POMT2: variants seen among roughly 807,000 people sequenced by gnomAD.
POMT2 encodes protein O-mannosyl-transferase 2.
A neutral mutation model predicts 100.0 loss-of-function variants in POMT2; 75 were observed. The ratio of observed to expected loss-of-function variants is 0.75; its 90% CI spans 0.62 to 0.91. The LOEUF (loss-of-function observed/expected upper bound fraction) is 0.91, where lower values mean the gene tolerates loss of function less well. Ranked by LOEUF, POMT2 falls within the 40% of genes least tolerant of loss-of-function variation. POMT2 has a pLI of 0.00. For missense variants in POMT2, 940 were observed against 955.1 expected, an observed-to-expected ratio of 0.98 and a Z score of 0.21; for synonymous variants, 378 against 374.1, an observed-to-expected ratio of 1.01 and a Z score of -0.12.
intron 2 of POMT2, among the ~76,000 whole-genome samples, chr14:77,308,411 A>T (rs926747578): frequency 7.0e-6 from 1 of 142,308 alleles, no homozygotes; most frequent in African/African-American, 2.6e-5. Context: ...GCTAGAGTGC[A>T]ATGGTGCGAT....
chr14:77,315,885 G>A (rs544856338), intron 1 of POMT2, among the ~76,000 whole-genome samples: 2 of 152,266 alleles, frequency 1.3e-5, no homozygotes, highest in Admixed American at 6.5e-5. Context: ...TGATAGGGGC[G>A]CCTGTAATCC....
At position 77,276,788 on chromosome 14, in the gene POMT2, T is replaced by A. The variant is rs1271044477; in HGVS notation, c.*588A>T. 1 of 153,360 alleles carries A rather than the reference T, an allele frequency of 6.5e-6. No individual in the cohort carries two copies. The highest frequency in any genetic ancestry group is 1.9e-4 in the East Asian group (1 of 5,202). The allele number at this position is 153,360 out of a possible 1,614,324, so 9.5% of individuals were successfully genotyped here. ...TCCAGCTCGGGGCGGCGCGCCTTCC[T>A]CCACGCTGGATTCATTTGTTTGTGG... is the stretch of plus-strand genomic sequence containing the variant. On this transcript the variant is annotated 3_prime_UTR_variant, in exon 21 of 21. Transcript: ENST00000261534.
In POMT2 at chr14:77,308,355, T is replaced by G. The variant is rs1044899870; in HGVS notation, c.334-1914A>C. On this transcript the variant is annotated intron_variant, in intron 2 of 20. Coordinates refer to ENST00000261534, the MANE Select transcript of POMT2 (RefSeq NM_013382.7). ...TACTCTCCAATTGACAAAGTTTTTTTGTTTTTTTTTTTTTTTTGAGATGAA... is the reference window on the plus strand; with the variant it reads ...TACTCTCCAATTGACAAAGTTTTTTGGTTTTTTTTTTTTTTTTGAGATGAA... Among the ~76,000 whole-genome samples the G allele has an allele frequency of 2.0e-4, 23 of 113,816 alleles. No individual in the cohort carries two copies. The East Asian group carries it at 7.8e-3, about 39-fold the overall frequency. The allele number at this position is 113,816 out of a possible 152,430, so 74.7% of individuals were successfully genotyped here.
At chr14:77,306,217 C>G in intron 3 of POMT2, 120 bp downstream of exon 3, 2 of 1,524,880 alleles carry the variant, frequency 1.3e-6, no homozygotes, top group South Asian at 2.4e-5. Context: ...CTCCCCTCTC[C>G]TCACCACCCA....
At chr14:77,278,112 C>T (rs958195449) in intron 20 of POMT2, among the ~76,000 whole-genome samples, 5 of 152,216 alleles carry the variant, frequency 3.3e-5, no homozygotes, top group African/African-American at 1.2e-4. Flanking sequence ...GTCACTGTCA[C>T]TAGAGGGGTA....
chr14:77,295,132 C>T (rs564839758), intron 9 of POMT2, among the ~76,000 whole-genome samples: 3 of 152,318 alleles, frequency 2.0e-5, no homozygotes, highest in East Asian at 1.9e-4. Context: ...ATGGCCCCAC[C>T]AACCTCTTCA....
rs766222032 is a variant in POMT2, at chr14:77,304,753, A to G, written c.486T>C (p.Thr162=). 1.2e-6 allele frequency: 2 copies of G among 1,601,488 alleles called. No homozygotes were observed. The highest frequency in any genetic ancestry group is 1.3e-5 in the African/African-American group (1 of 74,856). Residue 162 remains threonine (T), a synonymous_variant, in exon 4 of 21, where the codon ACT becomes ACC. Transcript: ENST00000261534. Reference sequence around the variant, plus strand: ...AGAGGGACTTGGACAGATCCAGTACAGTGAGGTAGGCAAAGGGGACCAGCC... The same window carrying G: ...AGAGGGACTTGGACAGATCCAGTACGGTGAGGTAGGCAAAGGGGACCAGCC... The part of the protein sequence containing the change: ...GSWLVPFAYL[T]VLDLSKSLSA...
intron 15 of POMT2, among the ~76,000 whole-genome samples, chr14:77,281,080 C>A (rs563796195): frequency 8.7e-4 from 131 of 150,722 alleles, no homozygotes; most frequent in Non-Finnish European, 1.7e-3. Flanking sequence ...GGCAAAAAGA[C>A]CAAGACTCAG....
chr14:77,279,701 TA>T, intron 18 of POMT2, 121 bp downstream of exon 18: 1 of 962,684 alleles, frequency 1.0e-6, no homozygotes, highest in Non-Finnish European at 1.6e-6. Context: ...AAGCAAAGGA[TA>T]AGGGAAGGTG....
chr14:77,281,663 C>T (rs956348585), intron 15 of POMT2, among the ~76,000 whole-genome samples: 7 of 152,220 alleles, frequency 4.6e-5, no homozygotes, highest in Admixed American at 4.6e-4. Context: ...GGAGCTTCTC[C>T]ACCTCAGCAC....
In POMT2 at chr14:77,278,472, C is replaced by T; in HGVS notation, c.2069G>A (p.Trp690Ter). The T allele has an allele frequency of 6.7e-7, 1 of 1,503,632 alleles. No homozygotes were observed. The highest frequency in any genetic ancestry group is 2.4e-5 in the East Asian group (1 of 40,940). 93.1% of individuals were successfully genotyped at this position (1,503,632 alleles called of 1,614,324 possible). Residue 690 changes from tryptophan to a stop codon, truncating the protein, a stop_gained, in exon 20 of 21, where the codon TGG becomes TAG. Coordinates refer to ENST00000261534, the MANE Select transcript of POMT2 (RefSeq NM_013382.7). LOFTEE classifies it high-confidence loss of function. ...CGCCAGGGGCCATGAGGCCAAGCCC[C>T]AGGCACAGAGCCGCAGGAGGGTGTC... ...LWDTLLRLCA[W>*]GLASWPLARG...
At chr14:77,280,186 G>A (rs183583503) in intron 16 of POMT2, 106 bp from the exon 17 acceptor site, 239 of 1,593,968 alleles carry the variant, frequency 1.5e-4, no homozygotes, top group Admixed American at 6.2e-4. Flanking sequence ...GCCTGGACAC[G>A]AACCTCAGGC....
At chr14:77,288,184 T>C (rs575833262) in intron 11 of POMT2, among the ~76,000 whole-genome samples, 3 of 152,366 alleles carry the variant, frequency 2.0e-5, no homozygotes, top group Non-Finnish European at 2.9e-5. Context: ...CTTATTTCTC[T>C]GGATTCCTCA....
At chr14:77,295,808 G>C (rs146466232) in intron 9 of POMT2, among the ~76,000 whole-genome samples, 1 of 152,122 alleles carries the variant, frequency 6.6e-6, no homozygotes, top group African/African-American at 2.4e-5. Context: ...CACCGTGCTA[G>C]GCAATTGAGC....
At position 77,288,773 on chromosome 14, in the gene POMT2, T is replaced by C; in HGVS notation, c.1242A>G (p.Leu414=). 3.7e-6 allele frequency: 6 copies of C among 1,613,922 alleles called. No homozygotes were observed. The highest frequency in any genetic ancestry group is 5.1e-6 in the Non-Finnish European group (6 of 1,179,852). ...GCAAATTGACTTACTCTTTGTGTTC[T>C]AGTCGAATAATGTCTCCATGTCTTA... The part of the protein sequence containing the change: ...EFVRHGDIIR[L]EHKETSRNLH... Residue 414 remains leucine, a synonymous_variant, in exon 11 of 21, where the codon CTA becomes CTG. Transcript: ENST00000261534.
chr14:77,309,216 A>G (rs1566660553), intron 2 of POMT2, among the ~76,000 whole-genome samples: 1 of 152,226 alleles, frequency 6.6e-6, no homozygotes. Flanking sequence ...ACTATTGACA[A>G]AGATGACCGT....
intron 15 of POMT2, 38 bp from the exon 16 acceptor site, chr14:77,280,501 G>T: frequency 6.2e-7 from 1 of 1,613,948 alleles, no homozygotes; most frequent in South Asian, 1.1e-5. Context: ...TCAAGACAGA[G>T]ATCTAGAGGG....
At position 77,296,144 on chromosome 14, in the gene POMT2, T is replaced by C; in HGVS notation, c.1116+20A>G. On this transcript the variant is annotated intron_variant, in intron 9 of 20. Coordinates refer to ENST00000261534, the MANE Select transcript of POMT2 (RefSeq NM_013382.7). ...GCGAACAGCATTGCTGCCGTACAAGTGCACAAAAGGCTCACTGACCTGCTG... is the reference window on the plus strand; with the variant it reads ...GCGAACAGCATTGCTGCCGTACAAGCGCACAAAAGGCTCACTGACCTGCTG... 6.4e-7 allele frequency: 1 copy of C among 1,559,972 alleles called. No individual in the cohort carries two copies. The highest frequency in any genetic ancestry group is 8.7e-7 in the Non-Finnish European group (1 of 1,144,842).
intron 16 of POMT2, 35 bp from the exon 17 acceptor site, chr14:77,280,115 C>T (rs1197897723): frequency 1.2e-6 from 2 of 1,613,508 alleles, no homozygotes; most frequent in African/African-American, 2.7e-5. Flanking sequence ...GACCCAGGCC[C>T]AGCCCATCCT....
Sources: gnomAD v4.1 joint callset for allele counts (sites outside exome capture counted in the v4.1 genomes callset) on GRCh38, gnomAD v4.1.1 for gene constraint, MANE v1.5 for transcripts, NCBI Gene and HGNC (gene_info 2026-07-23, HGNC 2026-07-21) for gene names.